Variants in KBTBD11 observed in about 807,000 individuals in gnomAD.
The protein encoded by KBTBD11 is kelch repeat and BTB domain containing 11, also known as kelch repeat and BTB domain-containing protein 11.
For synonymous variants in KBTBD11, 747 were observed against 499.0 expected, an observed-to-expected ratio of 1.50 and a Z score of -6.63; for missense variants, 1,390 against 1,001.8, an observed-to-expected ratio of 1.39 and a Z score of -5.23.
At chr8:1,991,624 C>T (rs911218715) in intron 1 of KBTBD11, among the ~76,000 whole-genome samples, 2 of 151,440 alleles carry the variant, frequency 1.3e-5, no homozygotes, top group African/African-American at 2.5e-5. Context: ...TCTCCCCACA[C>T]CAGGTCAGAA....
Position 2,001,699 on chromosome 8 carries a change from G to A in KBTBD11, c.507G>A (p.Ala169=), listed in dbSNP as rs1329860311. The change falls in exon 2 of 2, where the codon GCG becomes GCA. Residue 169 remains alanine, a synonymous_variant. Coordinates refer to ENST00000320248, the MANE Select transcript of KBTBD11 (RefSeq NM_014867.3). ...GCAGCGACTACTTCCGCGCGCGCGCGTCGCGGGACGTGCTGCGGGTGCAGG... is the reference window on the plus strand; with the variant it reads ...GCAGCGACTACTTCCGCGCGCGCGCATCGCGGGACGTGCTGCGGGTGCAGG... ...AARSDYFRAR[A]SRDVLRVQGV... is the part of the protein sequence containing the mutation. 2 of 1,430,054 alleles carry A rather than the reference G, an allele frequency of 1.4e-6. No individual in the cohort carries two copies. The highest frequency in any genetic ancestry group is 1.8e-6 in the Non-Finnish European group (2 of 1,096,812). 88.6% of individuals were successfully genotyped at this position (1,430,054 alleles called of 1,614,324 possible).
At chr8:1,974,770 C>G in intron 1 of KBTBD11, 1 of 905,868 alleles carries the variant, frequency 1.1e-6, no homozygotes, top group Non-Finnish European at 1.3e-6. Flanking sequence ...ACCAAAGTCC[C>G]TCCACCTCTT....
At chr8:1,988,575 C>T (rs1816776017) in intron 1 of KBTBD11, among the ~76,000 whole-genome samples, 1 of 152,082 alleles carries the variant, frequency 6.6e-6, no homozygotes, top group African/African-American at 2.4e-5. Flanking sequence ...TTTTTGATGA[C>T]TTTTTTCTTG....
At chr8:1,985,348 G>A (rs7387198) in intron 1 of KBTBD11, among the ~76,000 whole-genome samples, 1 of 152,232 alleles carries the variant, frequency 6.6e-6, no homozygotes, top group Non-Finnish European at 1.5e-5. Context: ...TGACCTGGCC[G>A]ACTCCCGCGC....
rs572615488 is a variant in KBTBD11, at chr8:2,002,464, C to T, written c.1272C>T (p.Ser424=). The part of the protein sequence containing the change: ...LYAVGGECLL[S]VERYDPRADR... ...CCGTGGGCGGCGAGTGCCTGCTCAG[C>T]GTGGAGCGCTACGACCCGCGCGCCG... is the stretch of plus-strand genomic sequence containing the variant. Residue 424 remains serine, a synonymous_variant, in exon 2 of 2, where the codon AGC becomes AGT. Coordinates refer to ENST00000320248, the MANE Select transcript of KBTBD11 (RefSeq NM_014867.3). This position sits in a 1 kb window ranked among gnomAD's most constrained non-coding sequence, Gnocchi z 4.1. 3.3e-6 allele frequency: 5 copies of T among 1,511,416 alleles called. No individual in the cohort carries two copies. The highest frequency in any genetic ancestry group is 5.2e-5 in the East Asian group (2 of 38,418). The allele number at this position is 1,511,416 out of a possible 1,614,324, so 93.6% of individuals were successfully genotyped here.
At chr8:1,978,974 C>T (rs73554367) in intron 1 of KBTBD11, among the ~76,000 whole-genome samples, 1 of 152,116 alleles carries the variant, frequency 6.6e-6, no homozygotes, top group South Asian at 2.1e-4. Context: ...GCCCACAGTG[C>T]ACAGCCCTGG....
intron 1 of KBTBD11, 105 bp downstream of exon 1, chr8:1,974,040 A>C (rs964480628): frequency 2.4e-6 from 2 of 825,556 alleles, no homozygotes; most frequent in African/African-American, 3.9e-5. Flanking sequence ...GGTCGGCGAG[A>C]GCGGCAGTAG....
Position 2,001,878 on chromosome 8 carries a change from C to G in KBTBD11, c.686C>G (p.Pro229Arg), listed in dbSNP as rs924278099. ...AAQRATDAVGPQLSLANCYEV... is the reference protein window; with the variant it reads ...AAQRATDAVGRQLSLANCYEV... ...CAGCGCGCCACCGACGCCGTGGGGC[C>G]GCAGCTGAGCCTGGCCAACTGCTAC... The change falls in exon 2 of 2, where the codon CCG becomes CGG. Residue 229 changes from proline to arginine, a missense_variant. Coordinates refer to ENST00000320248, the MANE Select transcript of KBTBD11 (RefSeq NM_014867.3). 6.6e-6 allele frequency: 9 copies of G among 1,353,582 alleles called. No individual in the cohort carries two copies. In the East Asian group the frequency reaches 2.9e-4, roughly 44 times the overall value. 83.8% of individuals were successfully genotyped at this position (1,353,582 alleles called of 1,614,324 possible).
intron 1 of KBTBD11, among the ~76,000 whole-genome samples, chr8:1,997,299 T>A (rs919185494): frequency 2.0e-5 from 3 of 151,666 alleles, no homozygotes; most frequent in Non-Finnish European, 4.4e-5. Flanking sequence ...CATCTGACCC[T>A]AACAGTCACC....
intron 1 of KBTBD11, among the ~76,000 whole-genome samples, chr8:1,984,983 G>C (rs546123752): frequency 3.3e-5 from 5 of 152,178 alleles, no homozygotes; most frequent in Admixed American, 6.5e-5. Context: ...TTTTGAATCA[G>C]GGTGGAATGG....
intron 1 of KBTBD11, among the ~76,000 whole-genome samples, chr8:1,983,033 C>T (rs1011370132): frequency 1.3e-5 from 2 of 152,112 alleles, no homozygotes; most frequent in Non-Finnish European, 2.9e-5. Context: ...TTTTGATGTC[C>T]TGGGTGAGGC....
rs1282111119 is a variant in KBTBD11, at chr8:2,001,043, A to AC, written c.-150_-149insC. ...GTGAGATTCCCCCCTTCACACACAC[A>AC]ACAACAAAGCGTGGACACACAGAAG... On this transcript the variant is annotated 5_prime_UTR_variant, in exon 2 of 2. An upstream open reading frame in the 5' UTR gains an earlier in-frame stop. Transcript: ENST00000320248. 1 of 302,092 alleles carries AC rather than the reference A, an allele frequency of 3.3e-6. No homozygotes were observed. The highest frequency in any genetic ancestry group is 4.5e-6 in the Non-Finnish European group (1 of 221,150). The allele number at this position is 302,092 out of a possible 1,614,324, so 18.7% of individuals were successfully genotyped here.
intron 1 of KBTBD11, among the ~76,000 whole-genome samples, chr8:1,985,198 G>A (rs781059897): frequency 1.9e-4 from 29 of 152,244 alleles, no homozygotes; most frequent in African/African-American, 4.6e-4. Context: ...GGCAGGAGAA[G>A]GCAGAGCTCT....
rs944879734 is a variant in KBTBD11 at position 2,002,846 on chromosome 8, C to G, written c.1654C>G (p.Pro552Ala). 1 of 1,404,506 alleles carries G rather than the reference C, an allele frequency of 7.1e-7. No individual in the cohort carries two copies. Among genetic ancestry groups the G allele is most frequent in the Non-Finnish European group, 9.2e-7 (1 of 1,089,262 alleles). 87.0% of individuals were successfully genotyped at this position (1,404,506 alleles called of 1,614,324 possible). A position where few individuals can be genotyped will look rare whatever the true frequency, so the allele number is the denominator to read the frequency against. ...CCCCGGCGGCCCCACGGGCCTGCAG[C>G]CCTTCCGCTGCGCCGCCCTGGACGG... ...RLPGGPTGLQ[P>A]FRCAALDGAI... is the part of the protein sequence containing the mutation. Residue 552 changes from proline (P) to alanine (A), a missense_variant, in exon 2 of 2, where the codon CCC becomes GCC. By Grantham distance (27) the Pro-to-Ala change is conservative. Transcript: ENST00000320248. The surrounding 1 kb of genome is among the most constrained non-coding windows in gnomAD (Gnocchi z 4.1).
intron 1 of KBTBD11, among the ~76,000 whole-genome samples, chr8:1,981,919 A>T (rs1816553014): frequency 6.6e-6 from 1 of 152,194 alleles, no homozygotes; most frequent in Non-Finnish European, 1.5e-5. Flanking sequence ...TCCAGCTTGC[A>T]GATAGCCTGT....
In KBTBD11 at chr8:2,000,767, A is replaced by C. The variant is rs533404267; in HGVS notation, c.-426A>C. ...AGACACCTAGTCAGCCAGCGTTGCA[A>C]AGAGGGATAGCTAGTCACTCAGGCT... On this transcript the variant is annotated 5_prime_UTR_variant, in exon 2 of 2. Coordinates refer to ENST00000320248, the MANE Select transcript of KBTBD11 (RefSeq NM_014867.3). The C allele has an allele frequency of 1.2e-5, 2 of 163,734 alleles. No homozygotes were observed. The highest frequency in any genetic ancestry group is 2.6e-5 in the Non-Finnish European group (2 of 75,834). The allele number at this position is 163,734 out of a possible 1,614,324, so 10.1% of individuals were successfully genotyped here.
chr8:1,991,813 C>G (rs548956244), intron 1 of KBTBD11, among the ~76,000 whole-genome samples: 3 of 151,992 alleles, frequency 2.0e-5, no homozygotes, highest in Non-Finnish European at 4.4e-5. Context: ...AGCAAATTGC[C>G]TGGGCTCTTG....
chr8:2,000,010 C>T (rs1817280465), intron 1 of KBTBD11, among the ~76,000 whole-genome samples: 1 of 152,176 alleles, frequency 6.6e-6, no homozygotes, highest in Non-Finnish European at 1.5e-5. Flanking sequence ...GCGTGTCAGG[C>T]CTTAATGTTT....
At chr8:1,996,015 C>T (rs564677826) in intron 1 of KBTBD11, among the ~76,000 whole-genome samples, 1 of 152,268 alleles carries the variant, frequency 6.6e-6, no homozygotes, top group East Asian at 1.9e-4. Flanking sequence ...CAGAGCAAGA[C>T]CCTGTCTCAA....
Sources: allele counts gnomAD v4.1 joint callset (sites outside exome capture counted in the v4.1 genomes callset), GRCh38; gene constraint gnomAD v4.1.1; non-coding constraint Gnocchi (gnomAD v3.1); transcripts MANE v1.5; gene names NCBI Gene and HGNC (gene_info 2026-07-23, HGNC 2026-07-21).